Variants in MED16 observed in about 807,000 individuals in gnomAD.
MED16 encodes the protein mediator complex subunit 16.
Under a neutral mutation model 84.4 loss-of-function variants are expected in MED16, and 81 were observed. That is an observed-to-expected ratio of 0.96 (90% CI 0.80 to 1.15). The LOEUF (loss-of-function observed/expected upper bound fraction) is 1.15. Ranked by LOEUF, MED16 falls within the 50% of genes most tolerant of loss-of-function variation. MED16 has a pLI of 0.00. For missense variants in MED16, 1,585 were observed against 1,245.9 expected (o/e 1.27, Z -4.10); for synonymous variants, 897 against 552.2 (o/e 1.62, Z -8.76).
At position 868,263 on chromosome 19, in the gene MED16, G is replaced by A. The variant is rs1304504234; in HGVS notation, c.2484-12C>T. On this transcript the variant is annotated splice_polypyrimidine_tract_variant and intron_variant, in intron 15 of 15. Transcript: ENST00000325464. ...GGCCTTCAACAGCCCTGCAGGGCGG[G>A]CTGAGGTTAACCGCGCCGAGGAGAG... The A allele has an allele frequency of 2.5e-6, 4 of 1,592,690 alleles. No individual in the cohort carries two copies. Among genetic ancestry groups the A allele is most frequent in the African/African-American group, 1.3e-5 (1 of 74,634 alleles).
Position 871,660 on chromosome 19 carries a change from G to A in MED16, c.2098+266C>T, listed in dbSNP as rs550402819. ...CACACAGAGCATGGACCTGTGCTAG[G>A]AACTGGGGAAATAGCAGATATCAAG... is the stretch of plus-strand genomic sequence containing the variant. On this transcript the variant is annotated intron_variant, in intron 12 of 15. Coordinates refer to ENST00000325464, the MANE Select transcript of MED16 (RefSeq NM_005481.3). The A allele has an allele frequency of 3.3e-5, 52 of 1,584,766 alleles. No homozygotes were observed. The Middle Eastern group carries it at 5.0e-4, about 15-fold the overall frequency.
intron 4 of MED16, among the ~76,000 whole-genome samples, chr19:889,298 G>C (rs930946657): frequency 2.0e-5 from 3 of 152,176 alleles, no homozygotes; most frequent in African/African-American, 7.2e-5. Context: ...TCAGAAGACA[G>C]CAGCCACCAG....
chr19:877,957 C>G (rs2036297502), intron 8 of MED16, among the ~76,000 whole-genome samples: 5 of 50,860 alleles, frequency 9.8e-5, no homozygotes, highest in Non-Finnish European at 1.2e-4. Context: ...GCCCACCAGC[C>G]CCAGCCCCAG....
chr19:872,209 G>A lies in MED16; in HGVS notation c.1906-91C>T, dbSNP rs1209564295. Reference sequence around the variant, plus strand: ...TTGGGGTCGGTGGAACCCCGACCGGGGGGCAATGGGCAGGGTCTGGGACAT... The same window carrying A: ...TTGGGGTCGGTGGAACCCCGACCGGAGGGCAATGGGCAGGGTCTGGGACAT... On this transcript the variant is annotated intron_variant, in intron 11 of 15. Transcript: ENST00000325464. 9.4e-6 allele frequency: 10 copies of A among 1,063,176 alleles called. No individual in the cohort carries two copies. In the East Asian group the frequency reaches 2.6e-4, roughly 28 times the overall value. The allele number at this position is 1,063,176 out of a possible 1,614,324, so 65.9% of individuals were successfully genotyped here. A position where few individuals can be genotyped will look rare whatever the true frequency, so the allele number is the denominator to read the frequency against.
chr19:887,576 G>GA (rs2036552073), intron 4 of MED16, among the ~76,000 whole-genome samples: 1 of 152,078 alleles, frequency 6.6e-6, no homozygotes, highest in African/African-American at 2.4e-5. Context: ...TGAGGCAGGA[G>GA]AATCACTTGA....
chr19:871,607 T>G (rs2036059085), intron 12 of MED16: 3 of 1,595,412 alleles, frequency 1.9e-6, no homozygotes, highest in Admixed American at 3.4e-5. Context: ...AACAGGTGCC[T>G]GGAAGTGGCT....
chr19:871,496 A>G lies in MED16; in HGVS notation c.2099-243T>C, dbSNP rs1362155136. ...TCATGAGACTCCCTCATTCACTTAA[A>G]AAGTATGTGGGAAGCACTGTGCCTT... is the stretch of plus-strand genomic sequence containing the variant. On this transcript the variant is annotated intron_variant, in intron 12 of 15. Coordinates refer to ENST00000325464, the MANE Select transcript of MED16 (RefSeq NM_005481.3). 1.5e-5 allele frequency: 22 copies of G among 1,504,486 alleles called. No homozygotes were observed. The East Asian group carries it at 1.7e-4, about 12-fold the overall frequency. The allele number at this position is 1,504,486 out of a possible 1,614,324, so 93.2% of individuals were successfully genotyped here.
intron 11 of MED16, 96 bp downstream of exon 11, chr19:873,353 C>T (rs2036143540): frequency 2.5e-5 from 27 of 1,099,748 alleles, no homozygotes; most frequent in Non-Finnish European, 3.0e-5. Context: ...AGGGGCGGGG[C>T]TGAGGTGGTT....
intron 13 of MED16, 111 bp downstream of exon 13, chr19:870,926 G>A: frequency 3.6e-6 from 4 of 1,119,086 alleles, no homozygotes; most frequent in Non-Finnish European, 5.0e-6. Flanking sequence ...TGGATTCGGG[G>A]GGACCTGGGG....
chr19:884,105 C>G (rs910351982), intron 6 of MED16, among the ~76,000 whole-genome samples: 1 of 152,176 alleles, frequency 6.6e-6, no homozygotes, highest in Non-Finnish European at 1.5e-5. Flanking sequence ...ACCTGCCCCA[C>G]GTGCCCCCAC....
At position 886,382 on chromosome 19, in the gene MED16, TC is replaced by T. The variant is rs1599342156; in HGVS notation, c.448-182del. Among the ~76,000 whole-genome samples the T allele has an allele frequency of 7.9e-5, 12 of 152,280 alleles. No individual in the cohort carries two copies. In the South Asian group the frequency reaches 2.3e-3, roughly 29 times the overall value. ...TGATCCCCTCTGACCCTCCGTCTCC[TC>T]ATCTGTAAGGTGGAAGGAACGGCAC... On this transcript the variant is annotated intron_variant, in intron 4 of 15. Transcript: ENST00000325464.
chr19:873,675 C>G, intron 10 of MED16, 93 bp from the exon 11 acceptor site: 4 of 1,425,150 alleles, frequency 2.8e-6, no homozygotes, highest in Non-Finnish European at 3.9e-6. Context: ...GCACTGAGTG[C>G]CCACCCAGTA....
Position 868,929 on chromosome 19 carries a change from T to C in MED16, c.2333A>G (p.Lys778Arg). The C allele has an allele frequency of 6.5e-7, 1 of 1,546,514 alleles. No individual in the cohort carries two copies. The change falls in exon 14 of 16, where the codon AAG (lysine) becomes AGG (arginine). Residue 778 changes from lysine (K) to arginine (R), a missense_variant. Physicochemically the swap from Lys to Arg is conservative, Grantham distance 26 (BLOSUM62 2). Coordinates refer to ENST00000325464, the MANE Select transcript of MED16 (RefSeq NM_005481.3). Reference sequence around the variant, plus strand: ...GTGCAGCCTCCGCAGGTGGTCGATCTTGGGCTGGCCTGGGGCCCTGGCGGG... The same window carrying C: ...GTGCAGCCTCCGCAGGTGGTCGATCCTGGGCTGGCCTGGGGCCCTGGCGGG... ...DGLARAPGQP[K>R]IDHLRRLHLG...
intron 6 of MED16, among the ~76,000 whole-genome samples, chr19:883,221 A>C (rs1180598031): frequency 2.6e-3 from 384 of 145,986 alleles, no homozygotes; most frequent in African/African-American, 9.6e-3. Flanking sequence ...TGGGCATGGT[A>C]GGAACCGAAG....
intron 1 of MED16, chr19:892,881 A>AGCCGCGC (rs2036667745): frequency 1.5e-5 from 2 of 137,866 alleles, no homozygotes; most frequent in African/African-American, 5.5e-5. Flanking sequence ...CTGAGCCCCG[A>AGCCGCGC]GCCCCGCGCC....
intron 4 of MED16, among the ~76,000 whole-genome samples, chr19:887,296 A>C (rs2036545943): frequency 6.6e-6 from 1 of 152,200 alleles, no homozygotes; most frequent in African/African-American, 2.4e-5. Flanking sequence ...TCCACACCAC[A>C]CGTCTGTGTG....
intron 6 of MED16, among the ~76,000 whole-genome samples, chr19:884,508 G>A (rs918936840): frequency 5.9e-5 from 9 of 152,086 alleles, no homozygotes; most frequent in South Asian, 2.1e-4. Context: ...GGAGGATTCC[G>A]TGCACCGCCC....
intron 8 of MED16, among the ~76,000 whole-genome samples, chr19:879,419 G>C (rs1279755582): frequency 4.2e-4 from 47 of 113,212 alleles, no homozygotes; most frequent in Middle Eastern, 8.6e-3. Flanking sequence ...GGTTGTCAAT[G>C]CCCACCAACC....
At position 871,230 on chromosome 19, in the gene MED16, C is replaced by G. The variant is rs376654451; in HGVS notation, c.2122G>C (p.Glu708Gln). 2 of 1,542,448 alleles carry G rather than the reference C, an allele frequency of 1.3e-6. No homozygotes were observed. The highest frequency in any genetic ancestry group is 2.4e-5 in the East Asian group (1 of 40,974). ...TCATCCACCAGCGCCTCGTCCGGCT[C>G]GCTCGCTGGGCCCTCATCGCGACCT... The part of the protein sequence containing the change: ...ICCRDEGPAS[E>Q]PDEALVDECC... The change falls in exon 13 of 16, where the codon GAG becomes CAG. Residue 708 changes from glutamate (E) to glutamine (Q), a missense_variant. Coordinates refer to ENST00000325464, the MANE Select transcript of MED16 (RefSeq NM_005481.3).
Sources: gnomAD v4.1 joint callset for allele counts (sites outside exome capture counted in the v4.1 genomes callset) on GRCh38, gnomAD v4.1.1 for gene constraint, MANE v1.5 for transcripts, NCBI Gene and HGNC (gene_info 2026-07-23, HGNC 2026-07-21) for gene names.